RFTN1: variants seen among roughly 807,000 people sequenced by gnomAD.
RFTN1 encodes raftlin, lipid raft linker 1.
RFTN1 carries 26 observed loss-of-function variants against 46.5 expected under a neutral mutation model. The ratio of observed to expected loss-of-function variants is 0.56; its 90% confidence interval spans 0.41 to 0.78. The LOEUF is 0.78. Among genes scored for constraint, RFTN1 ranks in the 30% least tolerant of loss-of-function variants. The pLI is 0.00. For missense variants in RFTN1, 693 were observed against 718.7 expected (o/e 0.96, Z 0.41); for synonymous variants, 261 against 284.2 (o/e 0.92, Z 0.82).
rs926228059 is a variant in RFTN1, at chr3:16,513,441, C to G, written c.-9+1G>C. 2 of 152,364 alleles carry G rather than the reference C, an allele frequency of 1.3e-5. No homozygotes were observed. Among genetic ancestry groups the G allele is most frequent in the African/African-American group, 2.4e-5 (1 of 41,472 alleles). 9.4% of individuals were successfully genotyped at this position (152,364 alleles called of 1,614,324 possible). A position where few individuals can be genotyped will look rare whatever the true frequency, so the allele number is the denominator to read the frequency against. ...CCTGTCGCGCCCCCCCCGCCGCCTA[C>G]CGTATGGGACCGGCGGAGGAGAAGG... On this transcript the variant is annotated splice_donor_variant, in intron 1 of 9. Coordinates refer to ENST00000334133, the MANE Select transcript of RFTN1 (RefSeq NM_015150.2). LOFTEE classifies it low-confidence loss of function (5UTR_SPLICE). The surrounding 1 kb of genome is among the most constrained non-coding windows in gnomAD (Gnocchi z 5.4).
chr3:16,393,772 C>A (rs1376835315), intron 4 of RFTN1, among the ~76,000 whole-genome samples: 6 of 151,914 alleles, frequency 3.9e-5, no homozygotes. Flanking sequence ...CATTCTCCTG[C>A]CTCAGCCTCC....
At chr3:16,416,729 C>T (rs1363174563) in intron 3 of RFTN1, among the ~76,000 whole-genome samples, 1 of 152,160 alleles carries the variant, frequency 6.6e-6, no homozygotes, top group Non-Finnish European at 1.5e-5. Flanking sequence ...GTAATGTAGA[C>T]TCTTGTATTC....
Position 16,504,103 on chromosome 3 carries a change from CA to C in RFTN1, c.-9+9338del, listed in dbSNP as rs774582915. On this transcript the variant is annotated intron_variant, in intron 1 of 9. Coordinates refer to ENST00000334133, the MANE Select transcript of RFTN1 (RefSeq NM_015150.2). This position sits in a 1 kb window ranked among gnomAD's most constrained non-coding sequence, Gnocchi z 4.4. ...TCACAGTGCCCTTAGTTTCTCTGTA[CA>C]TTTTTTAATGGCATGCCCTAGACTA... Among the ~76,000 whole-genome samples the C allele has an allele frequency of 3.5e-4, 52 of 150,556 alleles. No homozygotes were observed. Among genetic ancestry groups the C allele is most frequent in the Non-Finnish European group, 6.5e-4 (44 of 67,684 alleles).
chr3:16,328,882 T>C (rs1370659286), intron 7 of RFTN1, among the ~76,000 whole-genome samples: 1 of 152,204 alleles, frequency 6.6e-6, no homozygotes, highest in Admixed American at 6.5e-5. Context: ...CTTTTTCCCA[T>C]CATTCTCCAT....
At chr3:16,453,402 G>A (rs2075852586) in intron 2 of RFTN1, among the ~76,000 whole-genome samples, 1 of 152,224 alleles carries the variant, frequency 6.6e-6, no homozygotes, top group Admixed American at 6.5e-5. Flanking sequence ...TACCACAGTA[G>A]TGCAGCAAGT....
chr3:16,325,617 A>T (rs1039031419), intron 8 of RFTN1, among the ~76,000 whole-genome samples: 1 of 152,180 alleles, frequency 6.6e-6, no homozygotes, highest in Non-Finnish European at 1.5e-5. Context: ...TTTCTACACC[A>T]CTGCATTGCC....
At chr3:16,350,056 T>C (rs2071988667) in intron 7 of RFTN1, 1 of 152,236 alleles carries the variant, frequency 6.6e-6, no homozygotes, top group Admixed American at 6.5e-5. Context: ...AATACTTTCA[T>C]AGCAACATCT....
At chr3:16,441,531 T>C (rs775889242) in intron 2 of RFTN1, among the ~76,000 whole-genome samples, 4 of 152,194 alleles carry the variant, frequency 2.6e-5, no homozygotes, top group Non-Finnish European at 5.9e-5. Flanking sequence ...AACTTGATTA[T>C]TGGGAAAGTA....
rs760533399 is a variant in RFTN1, at chr3:16,345,372, CCT to C, written c.1146+12558_1146+12559del. 1 of 151,588 alleles carries C rather than the reference CCT, an allele frequency of 6.6e-6. No individual in the cohort carries two copies. Among genetic ancestry groups the C allele is most frequent in the Admixed American group, 6.6e-5 (1 of 15,218 alleles). 9.4% of individuals were successfully genotyped at this position (151,588 alleles called of 1,614,324 possible). On this transcript the variant is annotated intron_variant, in intron 7 of 9. Coordinates refer to ENST00000334133, the MANE Select transcript of RFTN1 (RefSeq NM_015150.2). This position sits in a 1 kb window ranked among gnomAD's most constrained non-coding sequence, Gnocchi z 5.2. ...ATTGGGAAAACCTAAAGATATAGCC[CCT>C]GTTATCACATTGAGCCCTTAACTTG...
rs117905319 is a variant in RFTN1, at chr3:16,417,693, G to A, written c.333-8210C>T. Among the ~76,000 whole-genome samples the A allele has an allele frequency of 9.5e-4, 145 of 152,260 alleles. 3 individuals carry two copies. In the East Asian group the frequency reaches 0.025, roughly 27 times the overall value. ...GGAAGGGTCAGATGGCCAAACTAGC[G>A]CTGTAAACTCAAACGCCCATGGGCA... is the stretch of plus-strand genomic sequence containing the variant. On this transcript the variant is annotated intron_variant, in intron 3 of 9. Coordinates refer to ENST00000334133, the MANE Select transcript of RFTN1 (RefSeq NM_015150.2).
Position 16,500,493 on chromosome 3 carries a change from T to C in RFTN1, c.-8-6616A>G, listed in dbSNP as rs1420021192. Among the ~76,000 whole-genome samples, 3 of 152,148 alleles carry C rather than the reference T, an allele frequency of 2.0e-5. No homozygotes were observed. Among genetic ancestry groups the C allele is most frequent in the African/African-American group, 7.2e-5 (3 of 41,442 alleles). On this transcript the variant is annotated intron_variant, in intron 1 of 9. Transcript: ENST00000334133. This position sits in a 1 kb window ranked among gnomAD's most constrained non-coding sequence, Gnocchi z 5.9. ...AAACAGTGGGGAAATAATCAAAGCATATATGCAGTTCCCTAGCAGAAATTG... is the reference window on the plus strand; with the variant it reads ...AAACAGTGGGGAAATAATCAAAGCACATATGCAGTTCCCTAGCAGAAATTG...
In RFTN1 at chr3:16,473,920, C is replaced by T. The variant is rs2076241245; in HGVS notation, c.145+19805G>A. 6.6e-6 allele frequency among the ~76,000 whole-genome samples: 1 copy of T among 152,196 alleles called. No individual in the cohort carries two copies. The highest frequency in any genetic ancestry group is 2.4e-5 in the African/African-American group (1 of 41,444). ...TGACCAATGCCTGTGGTCCTGGTGA[C>T]CTGGGCTGTGCCACATTCCACACTG... On this transcript the variant is annotated intron_variant, in intron 2 of 9. Transcript: ENST00000334133. The surrounding 1 kb of genome is among the most constrained non-coding windows in gnomAD (Gnocchi z 5.3).
Position 16,494,554 on chromosome 3 carries a change from T to C in RFTN1, c.-8-677A>G, listed in dbSNP as rs371947636. The stretch of plus-strand genomic sequence containing the variant: ...ACTGACTGAACACTAATAGCAGGGA[T>C]AGAGCAATTGGAAGCAGAAATCCAC... On this transcript the variant is annotated intron_variant, in intron 1 of 9. Transcript: ENST00000334133. Among the ~76,000 whole-genome samples the C allele has an allele frequency of 2.6e-5, 4 of 152,174 alleles. No individual in the cohort carries two copies. In the South Asian group the frequency reaches 8.3e-4, roughly 32 times the overall value.
Position 16,381,844 on chromosome 3 carries a change from C to T in RFTN1, c.442-3742G>A, listed in dbSNP as rs2074004310. On this transcript the variant is annotated intron_variant, in intron 4 of 9. Transcript: ENST00000334133. This position sits in a 1 kb window ranked among gnomAD's most constrained non-coding sequence, Gnocchi z 4.2. ...GACCGGATCACATATGGCCTTGGATCCATGCCCGCAAAGGCTCTCAGTTCA... is the reference window on the plus strand; with the variant it reads ...GACCGGATCACATATGGCCTTGGATTCATGCCCGCAAAGGCTCTCAGTTCA... 6.6e-6 allele frequency among the ~76,000 whole-genome samples: 1 copy of T among 152,130 alleles called. No homozygotes were observed. Among genetic ancestry groups the T allele is most frequent in the African/African-American group, 2.4e-5 (1 of 41,420 alleles).
rs573114437 is a variant in RFTN1, at chr3:16,318,224, G to A, written c.1333-992C>T. Among the ~76,000 whole-genome samples the A allele has an allele frequency of 9.2e-5, 14 of 152,154 alleles. 1 individual carries two copies. In the South Asian group the frequency reaches 1.2e-3, roughly 14 times the overall value. On this transcript the variant is annotated intron_variant, in intron 9 of 9. Transcript: ENST00000334133. The stretch of plus-strand genomic sequence containing the variant: ...TTTCTCAATCTGAATTTCTCATCTC[G>A]GTGGCCCAGAGTGCACGTGGGGTTT...
rs2074012886 is a variant in RFTN1, at chr3:16,382,140, T to C, written c.442-4038A>G. ...CATATTTGTAGCTCTGCTTATTTCC[T>C]TCAAATAGATTCCTGGAAGTAGAAT... On this transcript the variant is annotated intron_variant, in intron 4 of 9. Coordinates refer to ENST00000334133, the MANE Select transcript of RFTN1 (RefSeq NM_015150.2). The surrounding 1 kb of genome is among the most constrained non-coding windows in gnomAD (Gnocchi z 4.7). 6.6e-6 allele frequency among the ~76,000 whole-genome samples: 1 copy of C among 152,216 alleles called. No individual in the cohort carries two copies.
chr3:16,419,760 C>T (rs1044041866), intron 3 of RFTN1, among the ~76,000 whole-genome samples: 2 of 152,078 alleles, frequency 1.3e-5, no homozygotes, highest in African/African-American at 4.8e-5. Context: ...GTATAGGGTC[C>T]CCCAGGGGAG....
At chr3:16,417,105 G>T (rs978020316) in intron 3 of RFTN1, among the ~76,000 whole-genome samples, 1 of 151,262 alleles carries the variant, frequency 6.6e-6, no homozygotes. Context: ...AACTTCCTGG[G>T]CTCAAGCAAT....
chr3:16,320,971 T>C lies in RFTN1; in HGVS notation c.1332+2405A>G, dbSNP rs899511334. On this transcript the variant is annotated intron_variant, in intron 9 of 9. Coordinates refer to ENST00000334133, the MANE Select transcript of RFTN1 (RefSeq NM_015150.2). The surrounding 1 kb of genome is among the most constrained non-coding windows in gnomAD (Gnocchi z 4.5). ...CCTATTTGAAGGGGATATCTATTAT[T>C]AGGAGATTAGAATAGCTGAGGCGAG... is the stretch of plus-strand genomic sequence containing the variant. Among the ~76,000 whole-genome samples, 1 of 152,176 alleles carries C rather than the reference T, an allele frequency of 6.6e-6. No homozygotes were observed. Among genetic ancestry groups the C allele is most frequent in the Non-Finnish European group, 1.5e-5 (1 of 68,038 alleles).
Sources: allele counts gnomAD v4.1 joint callset (sites outside exome capture counted in the v4.1 genomes callset), GRCh38; gene constraint gnomAD v4.1.1; non-coding constraint Gnocchi (gnomAD v3.1); transcripts MANE v1.5; gene names NCBI Gene and HGNC (gene_info 2026-07-23, HGNC 2026-07-21).